MTUS2: variants seen among roughly 807,000 people sequenced by gnomAD.
MTUS2 encodes the protein microtubule associated scaffold protein 2, also known as microtubule-associated tumor suppressor candidate 2.
Under a neutral mutation model 114.1 loss-of-function variants are expected in MTUS2, and 40 were observed. The ratio of observed to expected loss-of-function variants is 0.35; its 90% CI spans 0.27 to 0.46. The LOEUF (loss-of-function observed/expected upper bound fraction) is 0.46. Ranked by LOEUF, MTUS2 falls within the 20% of genes least tolerant of loss-of-function variation. The pLI is 1.00. For missense variants in MTUS2, 1,679 were observed against 1,705.4 expected, an observed-to-expected ratio of 0.98 and a Z score of 0.27; for synonymous variants, 688 against 672.0, an observed-to-expected ratio of 1.02 and a Z score of -0.37.
At chr13:28,822,713 G>C (rs1873993640) in intron 1 of MTUS2, among the ~76,000 whole-genome samples, 1 of 144,362 alleles carries the variant, frequency 6.9e-6, no homozygotes, top group Non-Finnish European at 1.5e-5. Flanking sequence ...TAAATAAGGA[G>C]AGTACTCTTT....
intron 4 of MTUS2, among the ~76,000 whole-genome samples, chr13:29,072,329 A>G (rs911499003): frequency 6.6e-6 from 1 of 152,212 alleles, no homozygotes; most frequent in Non-Finnish European, 1.5e-5. Context: ...GAGGATAAAA[A>G]TACCTGTATT....
At chr13:29,121,816 C>T (rs1891323623) in intron 5 of MTUS2, among the ~76,000 whole-genome samples, 1 of 152,038 alleles carries the variant, frequency 6.6e-6, no homozygotes, top group Admixed American at 6.6e-5. Flanking sequence ...ACCAGCACAC[C>T]CAGCTAATTT....
At chr13:28,950,629 A>G (rs926076013) in intron 2 of MTUS2, among the ~76,000 whole-genome samples, 1 of 152,204 alleles carries the variant, frequency 6.6e-6, no homozygotes, top group African/African-American at 2.4e-5. Context: ...GCGAGAGAGA[A>G]ATATGGAAAA....
chr13:29,478,602 C>T (rs1452591530), intron 9 of MTUS2, among the ~76,000 whole-genome samples: 1 of 151,606 alleles, frequency 6.6e-6, no homozygotes, highest in African/African-American at 2.4e-5. Flanking sequence ...ATTATTGGTG[C>T]ACGGCGCTAA....
At chr13:28,834,708 A>G (rs888222716) in intron 1 of MTUS2, among the ~76,000 whole-genome samples, 7 of 152,198 alleles carry the variant, frequency 4.6e-5, no homozygotes, top group Admixed American at 2.0e-4. Context: ...TTTCCTTCAG[A>G]GGATATCATC....
chr13:29,219,917 T>C (rs1217212802), intron 5 of MTUS2, among the ~76,000 whole-genome samples: 1 of 152,244 alleles, frequency 6.6e-6, no homozygotes, highest in Non-Finnish European at 1.5e-5. Context: ...TTTGATCTTT[T>C]ATGCAGACCA....
intron 6 of MTUS2, among the ~76,000 whole-genome samples, chr13:29,296,201 G>A (rs201453662): frequency 3.9e-3 from 134 of 34,392 alleles, no homozygotes; most frequent in Non-Finnish European, 5.0e-3. Context: ...TTAGGTTTTT[G>A]TTTGTTTGTT....
intron 7 of MTUS2, among the ~76,000 whole-genome samples, chr13:29,346,087 G>A (rs951634907): frequency 1.3e-5 from 2 of 152,160 alleles, no homozygotes; most frequent in East Asian, 1.9e-4. Flanking sequence ...ACTCAGAGAG[G>A]GTCCTTGGTT....
At chr13:29,382,248 C>T (rs983080269) in intron 8 of MTUS2, among the ~76,000 whole-genome samples, 6 of 152,094 alleles carry the variant, frequency 3.9e-5, no homozygotes, top group Non-Finnish European at 5.9e-5. Context: ...GACCCTGGCC[C>T]TTATCTAAGA....
rs1452431140 is a variant in MTUS2 at position 29,480,924 on chromosome 13, A to G, written c.3399+560A>G. ...TGTAGTCCTCACAGTTCCCCTAACG[A>G]GGAAGGTACCATTCTTATTCCCATT... is the stretch of plus-strand genomic sequence containing the variant. On this transcript the variant is annotated intron_variant, in intron 10 of 15. Transcript: ENST00000612955. The surrounding 1 kb of genome is among the most constrained non-coding windows in gnomAD (Gnocchi z 4.4). Among the ~76,000 whole-genome samples the G allele has an allele frequency of 6.6e-6, 1 of 152,162 alleles. No individual in the cohort carries two copies. The highest frequency in any genetic ancestry group is 2.4e-5 in the African/African-American group (1 of 41,422).
At chr13:28,927,609 T>C (rs964372413) in intron 2 of MTUS2, among the ~76,000 whole-genome samples, 1 of 152,134 alleles carries the variant, frequency 6.6e-6, no homozygotes, top group African/African-American at 2.4e-5. Context: ...TTAAGTTCTC[T>C]ACAATGGAAG....
In MTUS2 at chr13:28,820,590, T is replaced by C. The variant is rs1278824409; in HGVS notation, c.-337T>C. On this transcript the variant is annotated 5_prime_UTR_variant, in exon 1 of 16. Transcript: ENST00000612955. ...TGGTGGCCTCTTGGACATTACATCT[T>C]TCTTGGCTCTTTTTGACCCAGGTGA... 1 of 152,210 alleles carries C rather than the reference T, an allele frequency of 6.6e-6. No individual in the cohort carries two copies. The highest frequency in any genetic ancestry group is 1.5e-5 in the Non-Finnish European group (1 of 68,082). 9.4% of individuals were successfully genotyped at this position (152,210 alleles called of 1,614,324 possible).
intron 4 of MTUS2, among the ~76,000 whole-genome samples, chr13:29,053,309 C>T (rs1475918115): frequency 7.2e-5 from 11 of 152,122 alleles, no homozygotes; most frequent in Non-Finnish European, 1.5e-5. Context: ...GTAACATTGA[C>T]AAGATCACAA....
chr13:29,164,130 C>T (rs577041277), intron 5 of MTUS2, among the ~76,000 whole-genome samples: 2 of 152,254 alleles, frequency 1.3e-5, no homozygotes, highest in African/African-American at 4.8e-5. Flanking sequence ...ACCATAAAAC[C>T]TACCCAAACC....
At chr13:29,257,189 T>G (rs1897307791) in intron 5 of MTUS2, among the ~76,000 whole-genome samples, 1 of 152,192 alleles carries the variant, frequency 6.6e-6, no homozygotes, top group African/African-American at 2.4e-5. Context: ...TCTACAGCCC[T>G]AGTCATCTTT....
intron 2 of MTUS2, among the ~76,000 whole-genome samples, chr13:28,900,180 G>A (rs188956738): frequency 2.4e-4 from 36 of 152,324 alleles, no homozygotes; most frequent in African/African-American, 6.3e-4. Flanking sequence ...GAGCCATTGC[G>A]TGCAGCCCCA....
intron 4 of MTUS2, among the ~76,000 whole-genome samples, chr13:29,070,072 A>G (rs12858770): frequency 0.58 from 87,473 of 152,042 alleles, 25,466 homozygotes; most frequent in Non-Finnish European, 0.61. Flanking sequence ...ATTTGGGTAG[A>G]TGGAATCTCA....
chr13:29,193,306 C>T lies in MTUS2; in HGVS notation c.2645-88398C>T, dbSNP rs756811691. 4.4e-4 allele frequency among the ~76,000 whole-genome samples: 67 copies of T among 152,146 alleles called. 1 individual carries two copies. The highest frequency in any genetic ancestry group is 9.1e-4 in the Non-Finnish European group (62 of 67,984). ...TAAATATAGAACACACCATTCAGCT[C>T]AGTGAAGTGCCTGAGGGCCAGGCAT... On this transcript the variant is annotated intron_variant, in intron 5 of 15. Coordinates refer to ENST00000612955, the MANE Select transcript of MTUS2 (RefSeq NM_001033602.4).
At chr13:29,457,443 C>G (rs1879200461) in intron 9 of MTUS2, among the ~76,000 whole-genome samples, 1 of 151,780 alleles carries the variant, frequency 6.6e-6, no homozygotes, top group African/African-American at 2.4e-5. Flanking sequence ...AGAGATTAAT[C>G]CACAGTGCTG....
Sources: allele counts gnomAD v4.1 joint callset (sites outside exome capture counted in the v4.1 genomes callset), GRCh38; gene constraint gnomAD v4.1.1; non-coding constraint Gnocchi (gnomAD v3.1); transcripts MANE v1.5; gene names NCBI Gene and HGNC (gene_info 2026-07-23, HGNC 2026-07-21).